Variants in PDK1 observed in about 807,000 individuals in gnomAD.
The protein encoded by PDK1 is pyruvate dehydrogenase kinase 1.
A neutral mutation model predicts 54.2 loss-of-function variants in PDK1; 39 were observed. That is an observed-to-expected ratio of 0.72 (90% confidence interval 0.56 to 0.94). The LOEUF is 0.94. PDK1 is among the 40% of genes least tolerant of loss of function. PDK1 has a pLI of 0.00. For synonymous variants in PDK1, 221 were observed against 207.1 expected (o/e 1.07, Z -0.58); for missense variants, 552 against 566.0 (o/e 0.98, Z 0.25).
chr2:172,698,615 C>T, the PDK1 span, among the ~76,000 whole-genome samples: 2 of 152,226 alleles, frequency 1.3e-5, no homozygotes, highest in Non-Finnish European at 2.9e-5. Flanking sequence ...GGTGACTGGG[C>T]TCCACCCCCA....
At chr2:172,576,410 A>G (rs1689590323) in intron 8 of PDK1, among the ~76,000 whole-genome samples, 1 of 151,698 alleles carries the variant, frequency 6.6e-6, no homozygotes, top group Non-Finnish European at 1.5e-5. Flanking sequence ...ATATAGCTAA[A>G]TACTTATCAA....
chr2:172,572,240 G>A (rs1375074883), intron 8 of PDK1, among the ~76,000 whole-genome samples: 1 of 152,078 alleles, frequency 6.6e-6, no homozygotes. Flanking sequence ...CCAAGGGCCA[G>A]TTTCCCTATA....
At chr2:172,716,347 C>CT in the PDK1 span, among the ~76,000 whole-genome samples, 4 of 150,302 alleles carry the variant, frequency 2.7e-5, no homozygotes, top group East Asian at 2.0e-4. Context: ...TCTTTTTTTT[C>CT]TTTTTTTGAG....
chr2:172,613,148 C>G (rs138544808), downstream of PDK1, among the ~76,000 whole-genome samples: 8 of 152,294 alleles, frequency 5.3e-5, no homozygotes, highest in African/African-American at 1.9e-4. Flanking sequence ...TGAGTCTTGA[C>G]TAACAGGAGG....
rs1691290006 is a variant in PDK1, at chr2:172,606,289, AAAG to A, written c.*10325_*10327del. On this transcript the variant is annotated 3_prime_UTR_variant, in exon 11 of 11. Transcript: ENST00000282077. ...AATTTGCCTGCATCCTCTGGAAGGT[AAAG>A]AAGATCTCCTCTCTCTTAGAACTTA... The A allele has an allele frequency of 6.6e-6, 1 of 152,242 alleles. No individual in the cohort carries two copies. 9.4% of individuals were successfully genotyped at this position (152,242 alleles called of 1,614,324 possible).
the PDK1 span, among the ~76,000 whole-genome samples, chr2:172,618,665 G>A: frequency 6.6e-6 from 1 of 152,230 alleles, no homozygotes; most frequent in Admixed American, 6.5e-5. Flanking sequence ...TATCTTTGAT[G>A]AATTCCCTGG....
intron 2 of PDK1, 71 bp from the exon 3 acceptor site, chr2:172,562,149 G>T: frequency 2.5e-6 from 2 of 795,942 alleles, no homozygotes; most frequent in South Asian, 1.6e-5. Flanking sequence ...AATAGCTTTT[G>T]AGCTAATTTT....
chr2:172,669,635 C>A, the PDK1 span, among the ~76,000 whole-genome samples: 1 of 152,084 alleles, frequency 6.6e-6, no homozygotes, highest in Admixed American at 6.6e-5. Context: ...TTTACAATAC[C>A]AGTGTATCAG....
At chr2:172,595,753 TGCCA>T in intron 10 of PDK1, 72 bp from the exon 11 acceptor site, 1 of 1,206,122 alleles carries the variant, frequency 8.3e-7, no homozygotes, top group African/African-American at 1.5e-5. Flanking sequence ...GTAACCTTTT[TGCCA>T]TTGTCTATTT....
the PDK1 span, among the ~76,000 whole-genome samples, chr2:172,677,888 G>T: frequency 6.6e-6 from 1 of 152,196 alleles, no homozygotes; most frequent in Non-Finnish European, 1.5e-5. Flanking sequence ...GGGAAATTAG[G>T]CCGGGTGCGG....
chr2:172,570,927 T>C, intron 8 of PDK1, 103 bp downstream of exon 8: 1 of 652,242 alleles, frequency 1.5e-6, no homozygotes, highest in Admixed American at 2.9e-5. Flanking sequence ...CATAATCTAC[T>C]CTCAGGGGAA....
chr2:172,712,397 G>A, the PDK1 span, among the ~76,000 whole-genome samples: 12 of 152,262 alleles, frequency 7.9e-5, no homozygotes, highest in African/African-American at 2.6e-4. Flanking sequence ...TCTTGGCCTC[G>A]CAGGCTTCAC....
the PDK1 span, among the ~76,000 whole-genome samples, chr2:172,629,496 C>T: frequency 1.3e-5 from 2 of 152,116 alleles, no homozygotes; most frequent in Non-Finnish European, 2.9e-5. Context: ...CGGGGAAGAC[C>T]GAACTCCAGG....
rs184567786 is a variant in PDK1 at position 172,596,164 on chromosome 2, A to G, written c.*195A>G. 85 of 442,588 alleles carry G rather than the reference A, an allele frequency of 1.9e-4. No individual in the cohort carries two copies. In the East Asian group the frequency reaches 2.5e-3, roughly 13 times the overall value. 27.4% of individuals were successfully genotyped at this position (442,588 alleles called of 1,614,324 possible). ...ATGAAATTGCACCTATTTTACACTT[A>G]TATTTTCACAGTTAATTGAACATAT... On this transcript the variant is annotated 3_prime_UTR_variant, in exon 11 of 11. Transcript: ENST00000282077.
the PDK1 span, among the ~76,000 whole-genome samples, chr2:172,637,234 G>A: frequency 6.6e-6 from 1 of 152,144 alleles, no homozygotes; most frequent in Non-Finnish European, 1.5e-5. Flanking sequence ...TTCTGGAGCA[G>A]CTCCCTGACG....
At chr2:172,692,625 G>A in the PDK1 span, among the ~76,000 whole-genome samples, 2 of 152,162 alleles carry the variant, frequency 1.3e-5, no homozygotes, top group African/African-American at 2.4e-5. Context: ...GGGGGTTAGG[G>A]CAGGTCTTAT....
chr2:172,623,306 A>G, the PDK1 span, among the ~76,000 whole-genome samples: 3 of 152,318 alleles, frequency 2.0e-5, no homozygotes, highest in Admixed American at 6.5e-5. Context: ...ACAGAGAAAT[A>G]GAGAATGAGG....
chr2:172,711,865 CAAAAAAAAAAAAAAAA>C, the PDK1 span, among the ~76,000 whole-genome samples: 1 of 22,780 alleles, frequency 4.4e-5, no homozygotes, highest in African/African-American at 1.3e-4. Context: ...GAACCTAGCT[CAAAAAAAAAAAAAAAA>C]AAAAAAAAAA....
At chr2:172,720,916 C>G in the PDK1 span, among the ~76,000 whole-genome samples, 1 of 152,126 alleles carries the variant, frequency 6.6e-6, no homozygotes, top group African/African-American at 2.4e-5. Flanking sequence ...AGGAAGACTC[C>G]CTCTGGTCCC....
Sources: allele counts gnomAD v4.1 joint callset (sites outside exome capture counted in the v4.1 genomes callset), GRCh38; gene constraint gnomAD v4.1.1; transcripts MANE v1.5; gene names NCBI Gene and HGNC (gene_info 2026-07-23, HGNC 2026-07-21).